The following CDC5L variants were observed in gnomAD, a reference collection of about 807,000 sequenced individuals.
CDC5L encodes the protein cell division cycle 5 like.
In CDC5L, 18 loss-of-function variants were observed where a neutral mutation model predicts 104.1. The observed-to-expected ratio is 0.17, with a 90% CI of 0.12 to 0.26. The LOEUF is 0.26. Ranked by LOEUF, CDC5L falls within the 10% of genes least tolerant of loss-of-function variation. The pLI is 1.00. For synonymous variants in CDC5L, 331 were observed against 322.7 expected (o/e 1.03, Z -0.28); for missense variants, 673 against 956.9 (o/e 0.70, Z 3.91).
chr6:44,418,892 G>A (rs1313288259), intron 8 of CDC5L, among the ~76,000 whole-genome samples: 8 of 150,768 alleles, frequency 5.3e-5, no homozygotes, highest in Non-Finnish European at 1.0e-4. Context: ...TAGATTCTGG[G>A]TATTAGCTCT....
intron 7 of CDC5L, among the ~76,000 whole-genome samples, chr6:44,407,366 C>T (rs11571960): frequency 0.011 from 1,711 of 149,116 alleles, 16 homozygotes; most frequent in Admixed American, 0.018. Context: ...CTTGCTCTGT[C>T]GCCAGGCTGG....
chr6:44,418,180 G>A (rs1186224945), intron 8 of CDC5L, among the ~76,000 whole-genome samples: 3 of 151,490 alleles, frequency 2.0e-5, no homozygotes, highest in African/African-American at 7.3e-5. Context: ...GGAGTGTGAT[G>A]TTCCCCTTCC....
chr6:44,423,259 A>G (rs1006427672), intron 10 of CDC5L, among the ~76,000 whole-genome samples: 1 of 152,164 alleles, frequency 6.6e-6, no homozygotes, highest in African/African-American at 2.4e-5. Flanking sequence ...GTTGATTTAT[A>G]TATGTTTTTT....
At chr6:44,446,470 T>C (rs1793458386) in intron 15 of CDC5L, 137 bp from the exon 16 acceptor site, 1 of 476,238 alleles carries the variant, frequency 2.1e-6, no homozygotes, top group East Asian at 3.4e-5. Flanking sequence ...GTATTTGATA[T>C]GTTTGTTTCT....
intron 14 of CDC5L, among the ~76,000 whole-genome samples, chr6:44,439,508 T>C (rs1793085213): frequency 1.3e-5 from 2 of 152,108 alleles, no homozygotes; most frequent in African/African-American, 4.8e-5. Flanking sequence ...TGTGTGTTGT[T>C]TGGTCTTGTG....
chr6:44,397,721 C>A (rs971464686), intron 5 of CDC5L, among the ~76,000 whole-genome samples: 1 of 152,146 alleles, frequency 6.6e-6, no homozygotes, highest in African/African-American at 2.4e-5. Flanking sequence ...CTTGGCTGAA[C>A]AAAGAGGGAA....
chr6:44,445,881 T>TCA lies in CDC5L; in HGVS notation c.2304+14_2304+15insCA, dbSNP rs755655085. 1.7e-5 allele frequency: 27 copies of TCA among 1,578,772 alleles called. No individual in the cohort carries two copies. Among genetic ancestry groups the TCA allele is most frequent in the Non-Finnish European group, 2.3e-5 (26 of 1,148,840 alleles). On this transcript the variant is annotated intron_variant, in intron 15 of 15. Transcript: ENST00000371477. ...CGGAGGCTAGAGGTAACGTTATATA[T>TCA]TGAACTGTTGTTTAAAAAGAGTGCT...
At chr6:44,387,948 C>A in intron 1 of CDC5L, 80 bp downstream of exon 1, 3 of 1,357,618 alleles carry the variant, frequency 2.2e-6, no homozygotes, top group Non-Finnish European at 3.0e-6. Flanking sequence ...GTCGGGGGGG[C>A]GACGAGGAGA....
chr6:44,423,035 T>C (rs774916950), intron 10 of CDC5L, among the ~76,000 whole-genome samples: 2 of 152,222 alleles, frequency 1.3e-5, no homozygotes, highest in Non-Finnish European at 2.9e-5. Context: ...ATGTTCGTTG[T>C]TGATTTCACT....
chr6:44,410,131 T>A (rs1322095482), intron 8 of CDC5L, among the ~76,000 whole-genome samples: 1 of 152,214 alleles, frequency 6.6e-6, no homozygotes, highest in Non-Finnish European at 1.5e-5. Flanking sequence ...CAGTGTACTG[T>A]TATTCACTAT....
At chr6:44,397,121 G>T (rs1262419431) in intron 5 of CDC5L, among the ~76,000 whole-genome samples, 4 of 152,204 alleles carry the variant, frequency 2.6e-5, no homozygotes, top group Non-Finnish European at 5.9e-5. Flanking sequence ...CTGAGGTTGG[G>T]GGTTGTGGCT....
intron 14 of CDC5L, among the ~76,000 whole-genome samples, chr6:44,441,337 C>G (rs1158974519): frequency 6.6e-6 from 1 of 152,200 alleles, no homozygotes; most frequent in Non-Finnish European, 1.5e-5. Context: ...TTTTTAAAGA[C>G]TGAATAGTAT....
In CDC5L at chr6:44,389,576, T is replaced by C. The variant is rs11571906; in HGVS notation, c.46-692T>C. Among the ~76,000 whole-genome samples the C allele has an allele frequency of 3.7e-3, 560 of 151,990 alleles. 3 individuals carry two copies. Among genetic ancestry groups the C allele is most frequent in the African/African-American group, 0.012 (514 of 41,454 alleles). On this transcript the variant is annotated intron_variant, in intron 1 of 15. Coordinates refer to ENST00000371477, the MANE Select transcript of CDC5L (RefSeq NM_001253.4). ...CATGGCAATGGGTGCCCTGGTGAAA[T>C]GGTATCTAGAGATGGGGGGAAATTG...
chr6:44,431,148 T>G (rs1484717482), intron 14 of CDC5L, among the ~76,000 whole-genome samples: 1 of 152,226 alleles, frequency 6.6e-6, no homozygotes, highest in Non-Finnish European at 1.5e-5. Flanking sequence ...TATTCTGAGT[T>G]TTAATTTAAC....
chr6:44,434,555 A>G (rs879766444), intron 14 of CDC5L, among the ~76,000 whole-genome samples: 1 of 152,160 alleles, frequency 6.6e-6, no homozygotes, highest in Non-Finnish European at 1.5e-5. Context: ...TGGACTGGGA[A>G]GTGGAGCTCC....
chr6:44,445,860 G>A lies in CDC5L; in HGVS notation c.2297G>A (p.Arg766Lys), dbSNP rs749791968. ...CATGAAGATTCTGCTATTCCCCGGA[G>A]GCTAGAGGTAACGTTATATATTGAA... is the stretch of plus-strand genomic sequence containing the variant. ...KKHEDSAIPR[R>K]LECLKEDVQR... is the part of the protein sequence containing the mutation. Residue 766 changes from arginine to lysine, a missense_variant, in exon 15 of 16, where the codon AGG (arginine) becomes AAG (lysine). Arg to Lys is a conservative substitution (Grantham distance 26). This residue lies in a region of CDC5L where 578 missense variants were observed against 737.0 expected (regional missense o/e 0.78). Transcript: ENST00000371477. 1.9e-6 allele frequency: 3 copies of A among 1,611,852 alleles called. No individual in the cohort carries two copies.
At position 44,445,788 on chromosome 6, in the gene CDC5L, T is replaced by C. The variant is rs142471993; in HGVS notation, c.2225T>C (p.Ile742Thr). The change falls in exon 15 of 16, where the codon ATT becomes ACT. Residue 742 changes from isoleucine to threonine, a missense_variant. Physicochemically the swap from Ile to Thr is moderately conservative, Grantham distance 89. Around this residue, in one of 4 missense-constraint regions of CDC5L, gnomAD observed 578 missense variants for 737.0 expected, o/e 0.78. Transcript: ENST00000371477. Reference sequence around the variant, plus strand: ...CAGTTGAATGACTTATGGGACCAAATTGAACAGGCTCACTTGGAGTTACGC... The same window carrying C: ...CAGTTGAATGACTTATGGGACCAAACTGAACAGGCTCACTTGGAGTTACGC... ...MKQLNDLWDQ[I>T]EQAHLELRTF... 144 of 1,613,968 alleles carry C rather than the reference T, an allele frequency of 8.9e-5. No individual in the cohort carries two copies. The highest frequency in any genetic ancestry group is 1.1e-4 in the Non-Finnish European group (132 of 1,179,978).
chr6:44,410,624 T>A (rs1561972089), intron 8 of CDC5L, among the ~76,000 whole-genome samples: 1 of 152,200 alleles, frequency 6.6e-6, no homozygotes, highest in East Asian at 1.9e-4. Flanking sequence ...GTCTTCTGGC[T>A]TCCACTGTTG....
In CDC5L at chr6:44,426,203, GT is replaced by G; in HGVS notation, c.1650+23del. On this transcript the variant is annotated intron_variant, in intron 12 of 15. Coordinates refer to ENST00000371477, the MANE Select transcript of CDC5L (RefSeq NM_001253.4). ...TCAGAAGTAAGTGTTAGAATTTCTGGTTTAGGAAGTTTTAAGTTTCTTTTTA... is the reference window on the plus strand; with the variant it reads ...TCAGAAGTAAGTGTTAGAATTTCTGGTTAGGAAGTTTTAAGTTTCTTTTTA... The G allele has an allele frequency of 1.3e-6, 2 of 1,539,888 alleles. No individual in the cohort carries two copies. Among genetic ancestry groups the G allele is most frequent in the Non-Finnish European group, 1.8e-6 (2 of 1,122,324 alleles).
Sources: gnomAD v4.1 joint callset for allele counts (sites outside exome capture counted in the v4.1 genomes callset) on GRCh38, gnomAD v4.1.1 for gene constraint, gnomAD v4.1.1 regional missense constraint, MANE v1.5 for transcripts, NCBI Gene and HGNC (gene_info 2026-07-23, HGNC 2026-07-21) for gene names.